The following TCF7L2 variants were observed in gnomAD, a reference collection of about 807,000 sequenced individuals.
The protein encoded by TCF7L2 is transcription factor 7 like 2.
In TCF7L2, 23 loss-of-function variants were observed where a neutral mutation model predicts 77.9. The ratio of observed to expected loss-of-function variants is 0.30; its 90% CI spans 0.21 to 0.42. TCF7L2 has a LOEUF of 0.42. Ranked by LOEUF, TCF7L2 falls within the 10% of genes least tolerant of loss-of-function variation. The pLI is 1.00. For synonymous variants in TCF7L2, 413 were observed against 340.2 expected, an observed-to-expected ratio of 1.21 and a Z score of -2.36; for missense variants, 654 against 793.1, an observed-to-expected ratio of 0.82 and a Z score of 2.11.
At chr10:112,994,158 A>G (rs1356295594) in intron 4 of TCF7L2, among the ~76,000 whole-genome samples, 1 of 152,108 alleles carries the variant, frequency 6.6e-6, no homozygotes, top group African/African-American at 2.4e-5. Context: ...ATAGTCACAG[A>G]TCTGTGCAGT....
chr10:113,131,857 C>T (rs1203643979), intron 5 of TCF7L2, among the ~76,000 whole-genome samples: 3 of 152,170 alleles, frequency 2.0e-5, no homozygotes, highest in African/African-American at 7.2e-5. Flanking sequence ...TAGTTCTGCA[C>T]ACATTTGAGG....
chr10:112,952,130 G>A (rs1037933503), intron 3 of TCF7L2, among the ~76,000 whole-genome samples: 1 of 152,208 alleles, frequency 6.6e-6, no homozygotes, highest in Non-Finnish European at 1.5e-5. Flanking sequence ...GCGCGGGGTA[G>A]AGAGTGGGTT....
intron 4 of TCF7L2, among the ~76,000 whole-genome samples, chr10:112,975,344 G>C (rs1291261878): frequency 1.3e-5 from 2 of 152,188 alleles, no homozygotes; most frequent in Admixed American, 1.3e-4. Context: ...TCTTTGGTTA[G>C]TAGTAGGGGC....
chr10:112,985,019 A>G (rs1041955327), intron 4 of TCF7L2, among the ~76,000 whole-genome samples: 1 of 152,166 alleles, frequency 6.6e-6, no homozygotes, highest in Admixed American at 6.5e-5. Flanking sequence ...CCTTAGTTTT[A>G]TCTATAAAAT....
At chr10:113,146,202 C>G in intron 8 of TCF7L2, 105 bp downstream of exon 8, 2 of 1,059,232 alleles carry the variant, frequency 1.9e-6, no homozygotes, top group Non-Finnish European at 2.9e-6. Context: ...ACATGTAGTT[C>G]TATTAGTGTA....
At chr10:113,003,935 A>T (rs985546880) in intron 4 of TCF7L2, among the ~76,000 whole-genome samples, 6 of 152,358 alleles carry the variant, frequency 3.9e-5, no homozygotes, top group Non-Finnish European at 8.8e-5. Flanking sequence ...TTTTGAGTGC[A>T]GAACCTGGCG....
intron 4 of TCF7L2, among the ~76,000 whole-genome samples, chr10:113,011,829 TCTTGAGTATTACCAC>T (rs1319765831): frequency 6.6e-6 from 1 of 152,090 alleles, no homozygotes; most frequent in Non-Finnish European, 1.5e-5. Flanking sequence ...TGAGTATTGC[TCTTGAGTATTACCAC>T]CTTGAGTTTT....
At chr10:113,161,368 G>A (rs2073141531) in intron 13 of TCF7L2, 1 of 598,652 alleles carries the variant, frequency 1.7e-6, no homozygotes, top group African/African-American at 1.9e-5. Context: ...TATATATGTA[G>A]CATTGGTTCC....
intron 5 of TCF7L2, among the ~76,000 whole-genome samples, chr10:113,047,300 A>G (rs2053628906): frequency 6.6e-6 from 1 of 152,212 alleles, no homozygotes; most frequent in Non-Finnish European, 1.5e-5. Flanking sequence ...GCAGTATGTA[A>G]GAGAGTTATG....
rs112166450 is a variant in TCF7L2 at position 113,161,902 on chromosome 10, G to T, written c.1391+1211G>T. Among the ~76,000 whole-genome samples the T allele has an allele frequency of 0.038, 5,782 of 152,228 alleles. 163 individuals carry two copies. The highest frequency in any genetic ancestry group is 0.086 in the African/African-American group (3,584 of 41,518). On this transcript the variant is annotated intron_variant, in intron 13 of 13. Transcript: ENST00000627217. ...CCTCTGCCTGTGGAATGAGGGATTTGGGGGCGAGTTGAACACCCGGCAGGA... is the reference window on the plus strand; with the variant it reads ...CCTCTGCCTGTGGAATGAGGGATTTTGGGGCGAGTTGAACACCCGGCAGGA...
chr10:112,953,938 C>G (rs1011991305), intron 3 of TCF7L2, among the ~76,000 whole-genome samples: 8 of 152,234 alleles, frequency 5.3e-5, no homozygotes, highest in African/African-American at 1.9e-4. Context: ...TTTGTGTACA[C>G]TGCCCCTTCG....
At chr10:113,007,680 C>A (rs915414539) in intron 4 of TCF7L2, among the ~76,000 whole-genome samples, 2 of 152,208 alleles carry the variant, frequency 1.3e-5, no homozygotes, top group Non-Finnish European at 2.9e-5. Context: ...TGAATTCAGG[C>A]TGTAGTCAGA....
In TCF7L2 at chr10:112,951,251, A is replaced by C; in HGVS notation, c.234A>C (p.Lys78Asn). 9 of 1,553,448 alleles carry C rather than the reference A, an allele frequency of 5.8e-6. No homozygotes were observed. The highest frequency in any genetic ancestry group is 5.2e-6 in the Non-Finnish European group (6 of 1,151,162). Residue 78 changes from lysine to asparagine, a missense_variant, in exon 2 of 14, where the codon AAA (lysine) becomes AAC (asparagine). Lys to Asn is a moderately conservative substitution (Grantham distance 94, BLOSUM62 0). Transcript: ENST00000627217. The stretch of plus-strand genomic sequence containing the variant: ...CTCGCTCCGAAAGTTTCCGAGACAA[A>C]TCCCGGGAAAGTTTGGAAGAAGGTG...
At chr10:113,073,056 A>G (rs1180505328) in intron 5 of TCF7L2, among the ~76,000 whole-genome samples, 1 of 148,754 alleles carries the variant, frequency 6.7e-6, no homozygotes, top group African/African-American at 2.5e-5. Flanking sequence ...GACCCTAGTT[A>G]GGTGCTGGTG....
At chr10:112,976,258 C>G (rs1314934798) in intron 4 of TCF7L2, among the ~76,000 whole-genome samples, 1 of 152,184 alleles carries the variant, frequency 6.6e-6, no homozygotes, top group Non-Finnish European at 1.5e-5. Context: ...TACTTGTTTG[C>G]ACATTTAGAA....
intron 4 of TCF7L2, among the ~76,000 whole-genome samples, chr10:112,982,787 G>T (rs778955522): frequency 1.3e-5 from 2 of 152,068 alleles, no homozygotes; most frequent in Non-Finnish European, 2.9e-5. Flanking sequence ...ACCACGCCCG[G>T]CTAATTTTTG....
At chr10:113,032,592 C>A (rs2050434502) in intron 4 of TCF7L2, among the ~76,000 whole-genome samples, 1 of 152,156 alleles carries the variant, frequency 6.6e-6, no homozygotes, top group African/African-American at 2.4e-5. Flanking sequence ...TGAGTTCAGG[C>A]AAGGATGCCT....
chr10:113,162,784 G>A (rs1409125051), intron 13 of TCF7L2, among the ~76,000 whole-genome samples: 1 of 152,152 alleles, frequency 6.6e-6, no homozygotes, highest in Non-Finnish European at 1.5e-5. Flanking sequence ...TGTCTTTGAA[G>A]GATGCTATTC....
Position 113,051,203 on chromosome 10 carries a change from C to CCACACACACACA in TCF7L2, c.552+11106_552+11117dup, listed in dbSNP as rs55771704. On this transcript the variant is annotated intron_variant, in intron 5 of 13. Coordinates refer to ENST00000627217, the MANE Select transcript of TCF7L2 (RefSeq NM_001146274.2). Reference sequence around the variant, plus strand: ...TTGCCTTCATACATGTGCATACACACCACACACACACACACACACACACAC... The same window carrying CCACACACACACA: ...TTGCCTTCATACATGTGCATACACACCACACACACACACACACACACACACACACACACACAC... Among the ~76,000 whole-genome samples the CCACACACACACA allele has an allele frequency of 1.8e-3, 254 of 140,480 alleles. 2 individuals are homozygous for CCACACACACACA. Among genetic ancestry groups the CCACACACACACA allele is most frequent in the African/African-American group, 5.5e-3 (208 of 37,736 alleles). The allele number at this position is 140,480 out of a possible 152,430, so 92.2% of individuals were successfully genotyped here.
Sources: allele counts gnomAD v4.1 joint callset (sites outside exome capture counted in the v4.1 genomes callset), GRCh38; gene constraint gnomAD v4.1.1; transcripts MANE v1.5; gene names NCBI Gene and HGNC (gene_info 2026-07-23, HGNC 2026-07-21).